C2CD5: variants seen among roughly 807,000 people sequenced by gnomAD.
C2CD5 encodes C2 calcium dependent domain containing 5, also known as C2 domain-containing protein 5.
C2CD5 carries 109 observed loss-of-function variants against 130.3 expected under a neutral mutation model. The ratio of observed to expected loss-of-function variants is 0.84; its 90% CI spans 0.72 to 0.98. The LOEUF (loss-of-function observed/expected upper bound fraction) is 0.98. C2CD5 is among the 50% of genes least tolerant of loss of function. The probability of loss-of-function intolerance (pLI) is 0.00; values close to 1 mark genes in which losing one functional copy is unlikely to be tolerated. For synonymous variants in C2CD5, 454 were observed against 429.2 expected (o/e 1.06, Z -0.71); for missense variants, 996 against 1,261.8 (o/e 0.79, Z 3.19).
At chr12:22,512,627 C>A in intron 9 of C2CD5, 2 of 1,462,538 alleles carry the variant, frequency 1.4e-6, no homozygotes, top group Non-Finnish European at 1.8e-6. Flanking sequence ...TAGGCTCTCA[C>A]ACATTTTTCA....
At chr12:22,532,407 C>T (rs1951375331) in intron 3 of C2CD5, among the ~76,000 whole-genome samples, 2 of 151,786 alleles carry the variant, frequency 1.3e-5, no homozygotes, top group African/African-American at 4.8e-5. Flanking sequence ...CAGCAACATG[C>T]TTCATAGCCA....
chr12:22,472,272 A>G lies in C2CD5; in HGVS notation c.2169+14T>C. The G allele has an allele frequency of 1.4e-6, 2 of 1,424,650 alleles. No individual in the cohort carries two copies. Among genetic ancestry groups the G allele is most frequent in the Admixed American group, 2.1e-5 (1 of 47,942 alleles). The allele number at this position is 1,424,650 out of a possible 1,614,324, so 88.3% of individuals were successfully genotyped here. Reference sequence around the variant, plus strand: ...TATGTGTTATGTGCTTAAAATTAAGAAAAAAAGGTTTACCTGTATTTCAGA... The same window carrying G: ...TATGTGTTATGTGCTTAAAATTAAGGAAAAAAGGTTTACCTGTATTTCAGA... On this transcript the variant is annotated intron_variant, in intron 18 of 26. Coordinates refer to ENST00000446597, the MANE Select transcript of C2CD5 (RefSeq NM_001286176.2).
intron 10 of C2CD5, among the ~76,000 whole-genome samples, chr12:22,494,456 T>A (rs963707565): frequency 6.6e-6 from 1 of 152,104 alleles, no homozygotes; most frequent in Non-Finnish European, 1.5e-5. Flanking sequence ...AGTAAAATAG[T>A]GAAGACAGCA....
intron 3 of C2CD5, among the ~76,000 whole-genome samples, chr12:22,530,316 A>G (rs1410882479): frequency 6.6e-6 from 1 of 150,548 alleles, no homozygotes; most frequent in African/African-American, 2.4e-5. Flanking sequence ...ATATATATAT[A>G]TAACTGAATG....
At chr12:22,542,573 C>G (rs1348312591) in intron 2 of C2CD5, among the ~76,000 whole-genome samples, 1 of 152,170 alleles carries the variant, frequency 6.6e-6, no homozygotes, top group Non-Finnish European at 1.5e-5. Context: ...CTGGTAAAAT[C>G]CTGGGTGTCC....
chr12:22,531,184 A>G (rs74068210), intron 3 of C2CD5, among the ~76,000 whole-genome samples: 87 of 152,282 alleles, frequency 5.7e-4, no homozygotes, highest in African/African-American at 2.0e-3. Flanking sequence ...TACCTTAATA[A>G]TGTAGTTTAA....
At chr12:22,506,346 G>A (rs1485950641) in intron 10 of C2CD5, among the ~76,000 whole-genome samples, 1 of 152,078 alleles carries the variant, frequency 6.6e-6, no homozygotes, top group African/African-American at 2.4e-5. Context: ...TTAAGAACAA[G>A]GAAAATAAGT....
In C2CD5 at chr12:22,493,235, G is replaced by T; in HGVS notation, c.1250C>A (p.Ser417Ter). The part of the protein sequence containing the change: ...GCHAVVGYSE[S>*]TSICEEVCIL... ...TATTATCATTTACCAGATGCTAGTT[G>T]ATTCACTGTAGCCCACTACAGCATG... The change falls in exon 11 of 27, where the codon TCA (serine) becomes TAA (stop). Residue 417 changes from serine (S) to a stop codon, truncating the protein, a stop_gained. Transcript: ENST00000446597. LOFTEE classifies it high-confidence loss of function. 1 of 1,577,748 alleles carries T rather than the reference G, an allele frequency of 6.3e-7. No homozygotes were observed. The highest frequency in any genetic ancestry group is 8.7e-7 in the Non-Finnish European group (1 of 1,152,186).
intron 22 of C2CD5, among the ~76,000 whole-genome samples, chr12:22,464,347 T>C (rs1294061439): frequency 6.6e-6 from 1 of 152,182 alleles, no homozygotes; most frequent in Non-Finnish European, 1.5e-5. Flanking sequence ...TGCTTCCATT[T>C]CCAAGCATGC....
chr12:22,489,701 T>G (rs983507594), intron 12 of C2CD5, among the ~76,000 whole-genome samples: 1 of 152,166 alleles, frequency 6.6e-6, no homozygotes. Context: ...CAGATAATCT[T>G]GATAAAATGC....
intron 2 of C2CD5, among the ~76,000 whole-genome samples, chr12:22,537,387 G>C (rs892579393): frequency 2.6e-5 from 4 of 152,158 alleles, no homozygotes; most frequent in African/African-American, 9.7e-5. Context: ...GCAAGACCCA[G>C]TCTTTCAAAC....
At chr12:22,523,158 G>A (rs559816904) in intron 7 of C2CD5, among the ~76,000 whole-genome samples, 35 of 152,158 alleles carry the variant, frequency 2.3e-4, no homozygotes, top group African/African-American at 8.4e-4. Context: ...AGGCTGCAGT[G>A]AGCCAAGACT....
chr12:22,544,254 G>T, intron 1 of C2CD5, 66 bp downstream of exon 1: 1 of 1,141,204 alleles, frequency 8.8e-7, no homozygotes, highest in Non-Finnish European at 1.2e-6. Flanking sequence ...CGGGGTAACT[G>T]ACAGCGAAGG....
At chr12:22,544,291 C>G (rs943739097) in intron 1 of C2CD5, 29 bp downstream of exon 1, 26 of 617,820 alleles carry the variant, frequency 4.2e-5, no homozygotes, top group Non-Finnish European at 6.3e-5. Flanking sequence ...CGCGGGCGCC[C>G]GGCAGTCGCG....
intron 14 of C2CD5, among the ~76,000 whole-genome samples, chr12:22,481,631 G>A (rs528196482): frequency 2.7e-5 from 4 of 149,886 alleles, no homozygotes; most frequent in Admixed American, 6.7e-5. Context: ...ATATTTCATC[G>A]GCACTTAAGA....
intron 1 of C2CD5, 62 bp from the exon 2 acceptor site, chr12:22,544,241 G>A: frequency 2.2e-6 from 3 of 1,338,822 alleles, no homozygotes; most frequent in Non-Finnish European, 2.1e-6. Context: ...GGGCGGAGGC[G>A]CGCGGGGTAA....
rs57377137 is a variant in C2CD5 at position 22,453,823 on chromosome 12, G to A, written c.3024+73C>T. 2.7e-3 allele frequency: 3,698 copies of A among 1,350,666 alleles called. 88 individuals carry two copies. The African/African-American group carries it at 0.048, about 18-fold the overall frequency. 83.7% of individuals were successfully genotyped at this position (1,350,666 alleles called of 1,614,324 possible). A position where few individuals can be genotyped will look rare whatever the true frequency, so the allele number is the denominator to read the frequency against. On this transcript the variant is annotated intron_variant, in intron 26 of 26. Transcript: ENST00000446597. ...TCTAAAGAGCAATTCTCTTTTGGAG[G>A]GGGTTAGGGGTAGGAAGCCATGGAA...
At chr12:22,460,790 G>A (rs973765572) in intron 22 of C2CD5, 1 of 152,162 alleles carries the variant, frequency 6.6e-6, no homozygotes, top group Non-Finnish European at 1.5e-5. Context: ...TATTGGCCAG[G>A]CTGGTCTTGA....
chr12:22,458,752 A>T (rs1381117442), intron 23 of C2CD5, 167 bp from the exon 24 acceptor site: 2 of 362,022 alleles, frequency 5.5e-6, no homozygotes, highest in Non-Finnish European at 9.8e-6. Context: ...CAAGCTTTAG[A>T]CACTGATTTG....
Sources: gnomAD v4.1 joint callset for allele counts (sites outside exome capture counted in the v4.1 genomes callset) on GRCh38, gnomAD v4.1.1 for gene constraint, MANE v1.5 for transcripts, NCBI Gene and HGNC (gene_info 2026-07-23, HGNC 2026-07-21) for gene names.